Variants in ADCY2 observed in about 807,000 individuals in gnomAD.
ADCY2 encodes the protein adenylate cyclase type 2.
In ADCY2, 31 loss-of-function variants were observed where a neutral mutation model predicts 125.2. The ratio of observed to expected loss-of-function variants is 0.25; its 90% CI spans 0.19 to 0.33. The LOEUF is 0.33. Among genes scored for constraint, ADCY2 ranks in the 10% least tolerant of loss-of-function variants. ADCY2 has a pLI of 1.00. For synonymous variants in ADCY2, 512 were observed against 548.4 expected (o/e 0.93, Z 0.93); for missense variants, 904 against 1,418.2 (o/e 0.64, Z 5.82).
chr5:7,620,639 T>G (rs1352317294), intron 3 of ADCY2, among the ~76,000 whole-genome samples: 1 of 152,204 alleles, frequency 6.6e-6, no homozygotes, highest in African/African-American at 2.4e-5. Context: ...GAGAGATCAG[T>G]TAAGGAAAAC....
intron 2 of ADCY2, among the ~76,000 whole-genome samples, chr5:7,447,544 A>G (rs1029992787): frequency 6.6e-6 from 1 of 152,046 alleles, no homozygotes; most frequent in Non-Finnish European, 1.5e-5. Flanking sequence ...CCCCTACCTC[A>G]TGTGATTTCT....
At chr5:7,762,828 G>A (rs1393239695) in intron 16 of ADCY2, among the ~76,000 whole-genome samples, 1 of 151,942 alleles carries the variant, frequency 6.6e-6, no homozygotes, top group Non-Finnish European at 1.5e-5. Flanking sequence ...TCCAGGCATC[G>A]GACTCACATT....
intron 2 of ADCY2, among the ~76,000 whole-genome samples, chr5:7,435,482 G>T (rs1740763249): frequency 6.6e-6 from 1 of 152,146 alleles, no homozygotes; most frequent in African/African-American, 2.4e-5. Flanking sequence ...TCTGTGACCA[G>T]CAGGGACAGT....
chr5:7,712,409 G>A lies in ADCY2; in HGVS notation c.1579-447G>A, dbSNP rs116548832. Among the ~76,000 whole-genome samples the A allele has an allele frequency of 8.0e-3, 1,217 of 152,248 alleles. 6 individuals carry two copies. The highest frequency in any genetic ancestry group is 0.013 in the Non-Finnish European group (857 of 68,002). On this transcript the variant is annotated intron_variant, in intron 10 of 24. Coordinates refer to ENST00000338316, the MANE Select transcript of ADCY2 (RefSeq NM_020546.3). The stretch of plus-strand genomic sequence containing the variant: ...TTAACCAATGGTACTGTTTCTTAAC[G>A]CCCCAGTTCAGTGATGGGGATGACT...
At chr5:7,503,784 G>T (rs981903010) in intron 2 of ADCY2, among the ~76,000 whole-genome samples, 2 of 152,200 alleles carry the variant, frequency 1.3e-5, no homozygotes, top group Non-Finnish European at 2.9e-5. Context: ...GGGCACTCAC[G>T]CAACAAGAGC....
chr5:7,753,315 G>A (rs548106907), intron 15 of ADCY2, among the ~76,000 whole-genome samples: 5 of 152,104 alleles, frequency 3.3e-5, no homozygotes, highest in Non-Finnish European at 5.9e-5. Context: ...GAAGGTACAC[G>A]GTGAGCTCAC....
At chr5:7,413,086 A>G (rs1293283599) in intron 1 of ADCY2, among the ~76,000 whole-genome samples, 1 of 152,150 alleles carries the variant, frequency 6.6e-6, no homozygotes, top group African/African-American at 2.4e-5. Flanking sequence ...CTTGGGAACC[A>G]AGACTCCGTG....
intron 2 of ADCY2, among the ~76,000 whole-genome samples, chr5:7,422,209 CT>C (rs1357619002): frequency 1.3e-4 from 20 of 148,832 alleles, no homozygotes; most frequent in African/African-American, 2.0e-4. Context: ...GTTTTTCTTT[CT>C]TTTTTTTTTA....
intron 2 of ADCY2, among the ~76,000 whole-genome samples, chr5:7,519,488 T>G (rs552139134): frequency 1.3e-5 from 2 of 152,300 alleles, no homozygotes; most frequent in South Asian, 4.1e-4. Context: ...ACATGTCCCA[T>G]TCCCTATTTC....
intron 22 of ADCY2, among the ~76,000 whole-genome samples, chr5:7,814,423 A>G (rs1422534702): frequency 1.3e-5 from 2 of 151,970 alleles, no homozygotes; most frequent in African/African-American, 4.8e-5. Context: ...CCTGCCGTCC[A>G]GTAGGCAGAG....
At chr5:7,440,994 G>A (rs1489678502) in intron 2 of ADCY2, among the ~76,000 whole-genome samples, 1 of 152,174 alleles carries the variant, frequency 6.6e-6, no homozygotes, top group Non-Finnish European at 1.5e-5. Context: ...GCAGGGAACG[G>A]AGCTGCAGAA....
intron 2 of ADCY2, among the ~76,000 whole-genome samples, chr5:7,490,291 A>G (rs995229696): frequency 6.6e-6 from 1 of 152,164 alleles, no homozygotes; most frequent in African/African-American, 2.4e-5. Flanking sequence ...GTTACTTTCC[A>G]TGATATTAAA....
At position 7,791,458 on chromosome 5, in the gene ADCY2, G is replaced by A. The variant is rs326128; in HGVS notation, c.2628+1658G>A. On this transcript the variant is annotated intron_variant, in intron 20 of 24. Transcript: ENST00000338316. ...TTGAAGTTGGCATTAAGAAGAAGGT[G>A]CCAGGTGGCAGATGAGGTGCTAGAC... Among the ~76,000 whole-genome samples, 10 of 152,278 alleles carry A rather than the reference G, an allele frequency of 6.6e-5. 1 individual carries two copies. The East Asian group carries it at 1.5e-3, about 24-fold the overall frequency.
intron 1 of ADCY2, among the ~76,000 whole-genome samples, chr5:7,413,525 C>T (rs1168211111): frequency 6.6e-6 from 1 of 151,858 alleles, no homozygotes. Flanking sequence ...GTCTCGATCT[C>T]CTGACCTTGT....
At chr5:7,559,382 A>C (rs984771634) in intron 3 of ADCY2, among the ~76,000 whole-genome samples, 2 of 151,938 alleles carry the variant, frequency 1.3e-5, no homozygotes. Flanking sequence ...CCTTGTAGAG[A>C]TCTTTCACCT....
At chr5:7,452,174 A>T (rs1450637993) in intron 2 of ADCY2, among the ~76,000 whole-genome samples, 1 of 152,100 alleles carries the variant, frequency 6.6e-6, no homozygotes, top group Non-Finnish European at 1.5e-5. Flanking sequence ...CAGCCTCTCA[A>T]AGTGCTGGGA....
chr5:7,396,701 C>A lies in ADCY2; in HGVS notation c.210+195C>A, dbSNP rs991319465. Reference sequence around the variant, plus strand: ...GGTGGACTCTGGCAAGGGCTGCGGGCGGGAGAAAAGTTTCCTGGGAAGGCT... The same window carrying A: ...GGTGGACTCTGGCAAGGGCTGCGGGAGGGAGAAAAGTTTCCTGGGAAGGCT... On this transcript the variant is annotated intron_variant, in intron 1 of 24. Coordinates refer to ENST00000338316, the MANE Select transcript of ADCY2 (RefSeq NM_020546.3). This position sits in a 1 kb window ranked among gnomAD's most constrained non-coding sequence, Gnocchi z 5.7. Among the ~76,000 whole-genome samples, 3 of 150,616 alleles carry A rather than the reference C, an allele frequency of 2.0e-5. No homozygotes were observed. Among genetic ancestry groups the A allele is most frequent in the African/African-American group, 4.9e-5 (2 of 40,538 alleles).
At chr5:7,776,193 T>TAAAAAA (rs11332766) in intron 18 of ADCY2, among the ~76,000 whole-genome samples, 1 of 91,526 alleles carries the variant, frequency 1.1e-5, no homozygotes, top group African/African-American at 4.3e-5. Context: ...GTGAGATCCT[T>TAAAAAA]AAAAAAAAAA....
In ADCY2 at chr5:7,560,455, A is replaced by C. The variant is rs117892616; in HGVS notation, c.570+39556A>C. Among the ~76,000 whole-genome samples, 345 of 152,364 alleles carry C rather than the reference A, an allele frequency of 2.3e-3. 10 individuals carry two copies. In the East Asian group the frequency reaches 0.061, roughly 27 times the overall value. Reference sequence around the variant, plus strand: ...AAAATAGTAACAAATTTTCTAGTGCAAGGGAGAAAATGCCACTTAAAATTG... The same window carrying C: ...AAAATAGTAACAAATTTTCTAGTGCCAGGGAGAAAATGCCACTTAAAATTG... On this transcript the variant is annotated intron_variant, in intron 3 of 24. Transcript: ENST00000338316.
Sources: gnomAD v4.1 joint callset for allele counts (sites outside exome capture counted in the v4.1 genomes callset) on GRCh38, gnomAD v4.1.1 for gene constraint, Gnocchi (gnomAD v3.1) non-coding constraint, MANE v1.5 for transcripts, NCBI Gene and HGNC (gene_info 2026-07-23, HGNC 2026-07-21) for gene names.